Variants in MAST2 observed in about 807,000 individuals in gnomAD.
MAST2 encodes microtubule-associated serine/threonine-protein kinase 2.
MAST2 carries 70 observed loss-of-function variants against 147.4 expected under a neutral mutation model. The ratio of observed to expected loss-of-function variants is 0.47; its 90% CI spans 0.39 to 0.58. The LOEUF is 0.58. Ranked by LOEUF, MAST2 falls within the 20% of genes least tolerant of loss-of-function variation. The pLI is 0.00. For synonymous variants in MAST2, 869 were observed against 896.8 expected (o/e 0.97, Z 0.55); for missense variants, 2,080 against 2,302.3 (o/e 0.90, Z 1.98).
chr1:45,865,574 A>T (rs1646119582), intron 3 of MAST2, among the ~76,000 whole-genome samples: 2 of 152,162 alleles, frequency 1.3e-5, no homozygotes, highest in Non-Finnish European at 2.9e-5. Context: ...CTTGGCATAT[A>T]CACATTCCAT....
chr1:45,840,381 A>G (rs1207310062), intron 3 of MAST2, among the ~76,000 whole-genome samples: 3 of 152,220 alleles, frequency 2.0e-5, no homozygotes, highest in South Asian at 2.1e-4. Flanking sequence ...TCAAGAAAAT[A>G]TATTTGAATG....
intron 4 of MAST2, among the ~76,000 whole-genome samples, chr1:45,922,765 G>C (rs909053342): frequency 5.3e-5 from 8 of 152,128 alleles, no homozygotes; most frequent in African/African-American, 1.7e-4. Flanking sequence ...GGAAGGGGTG[G>C]GGCTCCCACT....
chr1:46,018,627 C>A (rs928849361), intron 10 of MAST2, among the ~76,000 whole-genome samples: 6 of 152,154 alleles, frequency 3.9e-5, no homozygotes, highest in African/African-American at 1.4e-4. Context: ...GTATGCATCT[C>A]TTTTCACAGT....
chr1:45,888,514 C>T (rs1647190199), intron 4 of MAST2, among the ~76,000 whole-genome samples: 1 of 150,382 alleles, frequency 6.6e-6, no homozygotes, highest in Non-Finnish European at 1.5e-5. Context: ...AGGCCCCCAC[C>T]ACCACGCCCG....
At chr1:45,871,342 A>G (rs1646385951) in intron 3 of MAST2, among the ~76,000 whole-genome samples, 1 of 151,968 alleles carries the variant, frequency 6.6e-6, no homozygotes, top group African/African-American at 2.4e-5. Flanking sequence ...CAAGCACTCC[A>G]TGTCTCTTAT....
chr1:46,026,575 C>T (rs977474950), intron 16 of MAST2, among the ~76,000 whole-genome samples: 4 of 152,130 alleles, frequency 2.6e-5, no homozygotes, highest in African/African-American at 9.7e-5. Context: ...AAAAGAGACA[C>T]TGAGACCACT....
chr1:45,818,196 C>T (rs1377857971), intron 1 of MAST2, among the ~76,000 whole-genome samples: 4 of 152,136 alleles, frequency 2.6e-5, no homozygotes, highest in African/African-American at 9.7e-5. Context: ...TCAGGCGTTG[C>T]AGTTTTTGGT....
chr1:45,995,119 C>T (rs1645006175), intron 5 of MAST2, among the ~76,000 whole-genome samples: 1 of 152,094 alleles, frequency 6.6e-6, no homozygotes, highest in Admixed American at 6.5e-5. Context: ...GGATTACGGG[C>T]GTGAGCCACC....
intron 9 of MAST2, among the ~76,000 whole-genome samples, chr1:46,010,164 A>G (rs6677777): frequency 0.29 from 43,381 of 152,108 alleles, 6,321 homozygotes; most frequent in South Asian, 0.39. Context: ...TCCTGAGTTA[A>G]ATGAAACTCT....
chr1:45,913,174 T>G (rs1172521989), intron 4 of MAST2, among the ~76,000 whole-genome samples: 1 of 152,228 alleles, frequency 6.6e-6, no homozygotes. Context: ...TTTAGTTAAG[T>G]TGGTCAGATT....
At position 46,035,450 on chromosome 1, in the gene MAST2, G is replaced by C. The variant is rs1646864317; in HGVS notation, c.4781G>C (p.Ser1594Thr). The C allele has an allele frequency of 1.9e-6, 3 of 1,613,268 alleles. No individual in the cohort carries two copies. The highest frequency in any genetic ancestry group is 2.5e-6 in the Non-Finnish European group (3 of 1,179,912). The part of the protein sequence containing the change: ...GSPQAIEEAA[S>T]SSSAGPNLGQ... The stretch of plus-strand genomic sequence containing the variant: ...CCACAAGCCATTGAGGAGGCTGCCA[G>C]CTCCTCCTCAGCAGGCCCCAACCTA... Residue 1594 changes from serine to threonine, a missense_variant, in exon 29 of 29, where the codon AGC becomes ACC. By Grantham distance (58) the Ser-to-Thr change is moderately conservative (BLOSUM62 1). Transcript: ENST00000361297. The surrounding 1 kb of genome is among the most constrained non-coding windows in gnomAD (Gnocchi z 5.5).
intron 1 of MAST2, among the ~76,000 whole-genome samples, chr1:45,806,627 G>T (rs979016411): frequency 6.6e-6 from 1 of 152,040 alleles, no homozygotes; most frequent in Non-Finnish European, 1.5e-5. Context: ...GCCCAGGCTG[G>T]AGTGCAGCGG....
At chr1:45,865,640 C>T (rs755236704) in intron 3 of MAST2, among the ~76,000 whole-genome samples, 2 of 152,100 alleles carry the variant, frequency 1.3e-5, no homozygotes, top group Non-Finnish European at 2.9e-5. Flanking sequence ...TGTCTGTCTA[C>T]CTACCTACCT....
Position 46,023,518 on chromosome 1 carries a change from C to T in MAST2, c.1571+200C>T, listed in dbSNP as rs544840981. ...GTTCCTTTCCCAGACAAGATTCCCACGCCTCTTACTACCACGCATCCTCCA... is the reference window on the plus strand; with the variant it reads ...GTTCCTTTCCCAGACAAGATTCCCATGCCTCTTACTACCACGCATCCTCCA... On this transcript the variant is annotated intron_variant, in intron 14 of 28. Transcript: ENST00000361297. This position sits in a 1 kb window ranked among gnomAD's most constrained non-coding sequence, Gnocchi z 4.9. 1.9e-4 allele frequency: 117 copies of T among 625,594 alleles called. 2 individuals carry two copies. The highest frequency in any genetic ancestry group is 1.8e-3 in the African/African-American group (99 of 54,334). 38.8% of individuals were successfully genotyped at this position (625,594 alleles called of 1,614,324 possible). A position where few individuals can be genotyped will look rare whatever the true frequency, so the allele number is the denominator to read the frequency against.
At chr1:45,910,817 T>G (rs1216123089) in intron 4 of MAST2, among the ~76,000 whole-genome samples, 2 of 152,230 alleles carry the variant, frequency 1.3e-5, no homozygotes, top group Non-Finnish European at 1.5e-5. Context: ...CAGAGTTCTC[T>G]GAAGTTTGCA....
chr1:46,019,515 G>C lies in MAST2; in HGVS notation c.1189-81G>C, dbSNP rs1057204816. 3 of 1,064,580 alleles carry C rather than the reference G, an allele frequency of 2.8e-6. No homozygotes were observed. In the African/African-American group the frequency reaches 4.7e-5, roughly 17 times the overall value. 65.9% of individuals were successfully genotyped at this position (1,064,580 alleles called of 1,614,324 possible). ...TATGCTACCGAATTGTTTCTCCCTG[G>C]AGTCAGCTCTGCCCTGTCTGGTCCT... On this transcript the variant is annotated intron_variant, in intron 10 of 28. Coordinates refer to ENST00000361297, the MANE Select transcript of MAST2 (RefSeq NM_015112.3).
chr1:45,969,148 A>G (rs1278267995), intron 5 of MAST2, among the ~76,000 whole-genome samples: 1 of 152,156 alleles, frequency 6.6e-6, no homozygotes, highest in Admixed American at 6.5e-5. Context: ...AAAAATTCCT[A>G]GTCTGATCAT....
At chr1:45,974,546 G>C (rs537495125) in intron 5 of MAST2, among the ~76,000 whole-genome samples, 3 of 152,292 alleles carry the variant, frequency 2.0e-5, no homozygotes, top group East Asian at 3.9e-4. Flanking sequence ...GCAGTGAGCT[G>C]TGATTGCACG....
chr1:45,994,984 G>A (rs1333684255), intron 5 of MAST2, among the ~76,000 whole-genome samples: 3 of 151,876 alleles, frequency 2.0e-5, no homozygotes, highest in South Asian at 2.1e-4. Context: ...GACTACAGGC[G>A]CCCGCCACCA....
Sources: allele counts gnomAD v4.1 joint callset (sites outside exome capture counted in the v4.1 genomes callset), GRCh38; gene constraint gnomAD v4.1.1; non-coding constraint Gnocchi (gnomAD v3.1); transcripts MANE v1.5; gene names NCBI Gene and HGNC (gene_info 2026-07-23, HGNC 2026-07-21).